Variants in SH3RF3 observed in about 807,000 individuals in gnomAD.
SH3RF3 encodes the protein E3 ubiquitin-protein ligase SH3RF3.
SH3RF3 carries 29 observed loss-of-function variants against 66.3 expected under a neutral mutation model. That is an observed-to-expected ratio of 0.44 (90% CI 0.33 to 0.60). The LOEUF (loss-of-function observed/expected upper bound fraction) is 0.60, where lower values mean the gene tolerates loss of function less well. SH3RF3 is among the 20% of genes least tolerant of loss of function. The probability of loss-of-function intolerance (pLI) is 0.04; values close to 1 mark genes in which losing one functional copy is unlikely to be tolerated. For missense variants in SH3RF3, 1,194 were observed against 1,190.9 expected, an observed-to-expected ratio of 1.00 and a Z score of -0.04; for synonymous variants, 583 against 532.0, an observed-to-expected ratio of 1.10 and a Z score of -1.32.
chr2:109,226,877 A>G (rs1202084987), intron 1 of SH3RF3, among the ~76,000 whole-genome samples: 1 of 152,198 alleles, frequency 6.6e-6, no homozygotes, highest in East Asian at 1.9e-4. Flanking sequence ...ATCAGTCAAA[A>G]CACAGAGAGA....
chr2:109,352,603 G>A (rs1469095981), intron 2 of SH3RF3, among the ~76,000 whole-genome samples: 5 of 152,208 alleles, frequency 3.3e-5, no homozygotes, highest in Non-Finnish European at 2.9e-5. Flanking sequence ...GGAGCTCCAC[G>A]TCGTTCTCTC....
At chr2:109,250,346 A>G (rs1680057165) in intron 1 of SH3RF3, among the ~76,000 whole-genome samples, 1 of 152,172 alleles carries the variant, frequency 6.6e-6, no homozygotes, top group African/African-American at 2.4e-5. Flanking sequence ...ACAAGCTAAC[A>G]GTCTCCATCA....
At position 109,375,525 on chromosome 2, in the gene SH3RF3, G is replaced by A. The variant is rs192704854; in HGVS notation, c.945+3844G>A. ...AAGAACTAAATCCAAACACTCCACC[G>A]GGCCTTCCTTCTGGGTCTTTAGCCC... On this transcript the variant is annotated intron_variant, in intron 3 of 9. Coordinates refer to ENST00000309415, the MANE Select transcript of SH3RF3 (RefSeq NM_001099289.3). Among the ~76,000 whole-genome samples, 282 of 152,296 alleles carry A rather than the reference G, an allele frequency of 1.9e-3. 1 individual carries two copies. Among genetic ancestry groups the A allele is most frequent in the South Asian group, 3.9e-3 (19 of 4,830 alleles).
At chr2:109,484,063 CTTTCTTT>C (rs1263491304) in intron 8 of SH3RF3, among the ~76,000 whole-genome samples, 12 of 139,482 alleles carry the variant, frequency 8.6e-5, no homozygotes, top group Admixed American at 1.4e-4. Flanking sequence ...ATCCTCTGGC[CTTTCTTT>C]TTTTTTTTTT....
chr2:109,227,851 G>A (rs995500650), intron 1 of SH3RF3, among the ~76,000 whole-genome samples: 8 of 152,142 alleles, frequency 5.3e-5, no homozygotes, highest in African/African-American at 1.7e-4. Context: ...TTGGCCCTTC[G>A]GTCGCTCCGC....
chr2:109,453,295 C>T (rs1677940442), intron 8 of SH3RF3, among the ~76,000 whole-genome samples: 1 of 152,220 alleles, frequency 6.6e-6, no homozygotes, highest in Non-Finnish European at 1.5e-5. Flanking sequence ...TGGCCAGGCC[C>T]CCAACACCCA....
At chr2:109,470,183 G>T (rs1180027638) in intron 8 of SH3RF3, among the ~76,000 whole-genome samples, 3 of 152,134 alleles carry the variant, frequency 2.0e-5, no homozygotes, top group Non-Finnish European at 4.4e-5. Flanking sequence ...CTCACCAAAG[G>T]CTCCTGGGAC....
chr2:109,318,634 G>A (rs1574570698), intron 1 of SH3RF3, among the ~76,000 whole-genome samples: 1 of 152,194 alleles, frequency 6.6e-6, no homozygotes, highest in South Asian at 2.1e-4. Context: ...GGCAGCATTT[G>A]TCTCTTGTCA....
At chr2:109,359,615 G>T (rs1322186269) in intron 2 of SH3RF3, among the ~76,000 whole-genome samples, 3 of 152,138 alleles carry the variant, frequency 2.0e-5, no homozygotes, top group Admixed American at 6.5e-5. Context: ...GGTACAGGTT[G>T]AGCATCACTA....
intron 8 of SH3RF3, among the ~76,000 whole-genome samples, chr2:109,486,011 G>A (rs891376705): frequency 3.3e-5 from 5 of 152,240 alleles, no homozygotes; most frequent in Non-Finnish European, 7.3e-5. Flanking sequence ...CAGTGTGTGC[G>A]CTCCAGCCAG....
At chr2:109,289,867 G>A (rs535972013) in intron 1 of SH3RF3, among the ~76,000 whole-genome samples, 2 of 152,198 alleles carry the variant, frequency 1.3e-5, no homozygotes, top group East Asian at 1.9e-4. Flanking sequence ...ATTGTGTATC[G>A]CATTGCGGGT....
chr2:109,302,901 G>A lies in SH3RF3; in HGVS notation c.574-44773G>A, dbSNP rs554161719. On this transcript the variant is annotated intron_variant, in intron 1 of 9. Coordinates refer to ENST00000309415, the MANE Select transcript of SH3RF3 (RefSeq NM_001099289.3). ...TTTTGTTTGTTTGTTTTTTGAGGCA[G>A]AGTCTTGCTCTGTCCTCCAGGCTGG... Among the ~76,000 whole-genome samples, 8 of 152,220 alleles carry A rather than the reference G, an allele frequency of 5.3e-5. No individual in the cohort carries two copies. The South Asian group carries it at 1.7e-3, about 32-fold the overall frequency.
intron 1 of SH3RF3, among the ~76,000 whole-genome samples, chr2:109,282,988 G>T (rs1450109940): frequency 6.6e-6 from 1 of 152,206 alleles, no homozygotes; most frequent in African/African-American, 2.4e-5. Context: ...TCCCTCACGT[G>T]GAGGAAGGGG....
At position 109,309,784 on chromosome 2, in the gene SH3RF3, G is replaced by A. The variant is rs575676789; in HGVS notation, c.574-37890G>A. Among the ~76,000 whole-genome samples the A allele has an allele frequency of 9.8e-5, 12 of 122,774 alleles. 1 individual carries two copies. The South Asian group carries it at 3.1e-3, about 32-fold the overall frequency. 80.5% of individuals were successfully genotyped at this position (122,774 alleles called of 152,430 possible). A position where few individuals can be genotyped will look rare whatever the true frequency, so the allele number is the denominator to read the frequency against. ...GGTAAAGGGATCAATTCAACAAGAA[G>A]AGCTAACTATCCTAAATAGATATGC... On this transcript the variant is annotated intron_variant, in intron 1 of 9. Transcript: ENST00000309415.
chr2:109,474,969 T>G (rs115574192), intron 8 of SH3RF3, among the ~76,000 whole-genome samples: 8,632 of 152,212 alleles, frequency 0.057, 376 homozygotes, highest in Non-Finnish European at 0.087. Context: ...TTTGGGTTTT[T>G]TTTGTTTGTT....
At chr2:109,251,354 G>C in intron 1 of SH3RF3, 1 of 577,868 alleles carries the variant, frequency 1.7e-6, no homozygotes, top group Non-Finnish European at 3.2e-6. Context: ...CACCCGGCCT[G>C]CCGCGGGAGC....
chr2:109,335,610 T>C (rs1474584669), intron 1 of SH3RF3, among the ~76,000 whole-genome samples: 1 of 152,098 alleles, frequency 6.6e-6, no homozygotes, highest in Non-Finnish European at 1.5e-5. Flanking sequence ...AACCACTTTC[T>C]GACATTCTCT....
chr2:109,193,077 T>A (rs1678407524), intron 1 of SH3RF3, among the ~76,000 whole-genome samples: 1 of 152,150 alleles, frequency 6.6e-6, no homozygotes, highest in Non-Finnish European at 1.5e-5. Context: ...GGTTCAAAGG[T>A]GAGTAAATAG....
intron 1 of SH3RF3, among the ~76,000 whole-genome samples, chr2:109,178,847 T>G (rs1328126693): frequency 6.6e-6 from 1 of 152,236 alleles, no homozygotes; most frequent in Non-Finnish European, 1.5e-5. Context: ...TATGGACATA[T>G]TCACTGAATT....
Sources: gnomAD v4.1 joint callset for allele counts (sites outside exome capture counted in the v4.1 genomes callset) on GRCh38, gnomAD v4.1.1 for gene constraint, MANE v1.5 for transcripts, NCBI Gene and HGNC (gene_info 2026-07-23, HGNC 2026-07-21) for gene names.